Variants in ADARB2 observed in about 807,000 individuals in gnomAD.
ADARB2 encodes adenosine deaminase RNA specific B2 (inactive).
ADARB2 carries 25 observed loss-of-function variants against 62.2 expected under a neutral mutation model. The observed-to-expected ratio is 0.40, with a 90% CI of 0.29 to 0.56. The LOEUF (loss-of-function observed/expected upper bound fraction) is 0.56, where lower values mean the gene tolerates loss of function less well. Ranked by LOEUF, ADARB2 falls within the 20% of genes least tolerant of loss-of-function variation. The pLI is 0.43. For synonymous variants in ADARB2, 572 were observed against 500.8 expected (o/e 1.14, Z -1.90); for missense variants, 1,071 against 1,077.4 (o/e 0.99, Z 0.08).
chr10:1,327,621 C>T lies in ADARB2; in HGVS notation c.1077+35407G>A, dbSNP rs200385977. Among the ~76,000 whole-genome samples, 166 of 119,946 alleles carry T rather than the reference C, an allele frequency of 1.4e-3. 1 individual carries two copies. Among genetic ancestry groups the T allele is most frequent in the East Asian group, 0.014 (58 of 4,276 alleles). 78.7% of individuals were successfully genotyped at this position (119,946 alleles called of 152,430 possible). A position where few individuals can be genotyped will look rare whatever the true frequency, so the allele number is the denominator to read the frequency against. The stretch of plus-strand genomic sequence containing the variant: ...ACAGCGCCTCCTCACTGCCCAGCGC[C>T]TCCCCACGGCACAGCGCCTCCTCAC... On this transcript the variant is annotated intron_variant, in intron 3 of 9. Coordinates refer to ENST00000381312, the MANE Select transcript of ADARB2 (RefSeq NM_018702.4).
intron 1 of ADARB2, among the ~76,000 whole-genome samples, chr10:1,663,189 A>G (rs1834270956): frequency 6.6e-6 from 1 of 152,272 alleles, no homozygotes; most frequent in Non-Finnish European, 1.5e-5. Flanking sequence ...CAGAAAGTAC[A>G]GAGACTTCCC....
At chr10:1,617,347 G>A (rs12569896) in intron 1 of ADARB2, among the ~76,000 whole-genome samples, 2 of 83,638 alleles carry the variant, frequency 2.4e-5, no homozygotes, top group South Asian at 5.0e-4. Flanking sequence ...CCTGGGAACC[G>A]GCCTCAGAGG....
At chr10:1,399,587 G>A (rs1476933297) in intron 1 of ADARB2, among the ~76,000 whole-genome samples, 1 of 152,196 alleles carries the variant, frequency 6.6e-6, no homozygotes, top group Non-Finnish European at 1.5e-5. Context: ...AATGAGTGCT[G>A]AGATACAAGA....
intron 1 of ADARB2, among the ~76,000 whole-genome samples, chr10:1,555,183 G>A (rs1005437646): frequency 6.6e-6 from 1 of 152,196 alleles, no homozygotes; most frequent in Admixed American, 6.5e-5. Flanking sequence ...ACACGGGACT[G>A]CATGTTGCCT....
At chr10:1,378,045 T>C (rs906728835) in intron 2 of ADARB2, among the ~76,000 whole-genome samples, 2 of 152,168 alleles carry the variant, frequency 1.3e-5, no homozygotes, top group African/African-American at 2.4e-5. Flanking sequence ...GACCTCTTCC[T>C]GGTTGAAAAA....
intron 1 of ADARB2, among the ~76,000 whole-genome samples, chr10:1,524,418 A>G (rs12415020): frequency 0.014 from 2,084 of 152,320 alleles, 100 homozygotes; most frequent in East Asian, 0.13. Flanking sequence ...ACCAGCAGGC[A>G]TCCATGTTTG....
At chr10:1,645,037 A>G (rs1834022121) in intron 1 of ADARB2, among the ~76,000 whole-genome samples, 1 of 152,228 alleles carries the variant, frequency 6.6e-6, no homozygotes. Flanking sequence ...CAGTGTATAT[A>G]AAAGGAATGT....
intron 1 of ADARB2, among the ~76,000 whole-genome samples, chr10:1,530,148 A>G (rs1241621056): frequency 6.6e-6 from 1 of 152,206 alleles, no homozygotes; most frequent in Non-Finnish European, 1.5e-5. Context: ...GCACCCGTCC[A>G]CTGCCTCGTG....
At chr10:1,514,397 A>G (rs1315865962) in intron 1 of ADARB2, among the ~76,000 whole-genome samples, 23 of 151,746 alleles carry the variant, frequency 1.5e-4, no homozygotes, top group Non-Finnish European at 1.5e-5. Flanking sequence ...AATTATTTGA[A>G]CAATAAATGA....
intron 4 of ADARB2, among the ~76,000 whole-genome samples, chr10:1,249,957 G>T (rs189317683): frequency 6.6e-6 from 1 of 151,540 alleles, no homozygotes; most frequent in African/African-American, 2.4e-5. Context: ...AAGGAAAAAT[G>T]ACTCCATTTA....
At chr10:1,313,599 CAG>C (rs1831711600) in intron 3 of ADARB2, among the ~76,000 whole-genome samples, 1 of 145,352 alleles carries the variant, frequency 6.9e-6, no homozygotes, top group Non-Finnish European at 1.6e-5. Context: ...CCTGGGATAA[CAG>C]GGGAAACACA....
At chr10:1,234,599 C>T (rs1337584060) in intron 5 of ADARB2, among the ~76,000 whole-genome samples, 3 of 151,980 alleles carry the variant, frequency 2.0e-5, no homozygotes, top group South Asian at 2.1e-4. Flanking sequence ...CACCACCATG[C>T]GAGGCTAATT....
At chr10:1,559,699 C>T (rs1442487733) in intron 1 of ADARB2, among the ~76,000 whole-genome samples, 2 of 152,210 alleles carry the variant, frequency 1.3e-5, no homozygotes, top group Admixed American at 6.5e-5. Flanking sequence ...TTAGCGACTC[C>T]ACAGTCCTGC....
At chr10:1,388,642 T>G (rs917081657) in intron 1 of ADARB2, among the ~76,000 whole-genome samples, 2 of 151,846 alleles carry the variant, frequency 1.3e-5, no homozygotes, top group African/African-American at 4.8e-5. Context: ...AATACTTAGG[T>G]ATAATCTGAA....
At chr10:1,411,121 A>G (rs1047591826) in intron 1 of ADARB2, among the ~76,000 whole-genome samples, 2 of 152,192 alleles carry the variant, frequency 1.3e-5, no homozygotes, top group African/African-American at 4.8e-5. Context: ...CCATCCAGAC[A>G]CGGCCTTAGC....
chr10:1,344,099 T>C (rs1440500966), intron 3 of ADARB2, among the ~76,000 whole-genome samples: 1 of 152,148 alleles, frequency 6.6e-6, no homozygotes, highest in East Asian at 1.9e-4. Context: ...TAATCATGGC[T>C]CTCCCACCTG....
chr10:1,523,512 G>A (rs574931559), intron 1 of ADARB2, among the ~76,000 whole-genome samples: 3 of 152,144 alleles, frequency 2.0e-5, no homozygotes, highest in Non-Finnish European at 2.9e-5. Flanking sequence ...CAGAGGCTTC[G>A]TCTGGAATAG....
chr10:1,350,359 G>T (rs1832124082), intron 3 of ADARB2, among the ~76,000 whole-genome samples: 4 of 151,806 alleles, frequency 2.6e-5, no homozygotes, highest in Admixed American at 6.6e-5. Context: ...CTTTTCTACA[G>T]ACCCATCTGA....
In ADARB2 at chr10:1,330,673, G is replaced by A. The variant is rs978460864; in HGVS notation, c.1077+32355C>T. ...GAAGAAAGCACAGAAGTAAATCTTT[G>A]TGCTCTTGCTTTAGGCAACGATTCA... On this transcript the variant is annotated intron_variant, in intron 3 of 9. Coordinates refer to ENST00000381312, the MANE Select transcript of ADARB2 (RefSeq NM_018702.4). Among the ~76,000 whole-genome samples the A allele has an allele frequency of 2.6e-5, 4 of 152,290 alleles. No individual in the cohort carries two copies. The East Asian group carries it at 7.7e-4, about 29-fold the overall frequency.
Sources: allele counts gnomAD v4.1 joint callset (sites outside exome capture counted in the v4.1 genomes callset), GRCh38; gene constraint gnomAD v4.1.1; transcripts MANE v1.5; gene names NCBI Gene and HGNC (gene_info 2026-07-23, HGNC 2026-07-21).